GRM7: variants seen among roughly 807,000 people sequenced by gnomAD.
GRM7 encodes the protein glutamate metabotropic receptor 7.
Under a neutral mutation model 84.5 loss-of-function variants are expected in GRM7, and 35 were observed. That is an observed-to-expected ratio of 0.41 (90% CI 0.32 to 0.55). GRM7 has a LOEUF of 0.55. Among genes scored for constraint, GRM7 ranks in the 20% least tolerant of loss-of-function variants. The probability of loss-of-function intolerance (pLI) is 0.19; values close to 1 mark genes in which losing one functional copy is unlikely to be tolerated. For synonymous variants in GRM7, 487 were observed against 455.1 expected, an observed-to-expected ratio of 1.07 and a Z score of -0.89; for missense variants, 1,003 against 1,194.6, an observed-to-expected ratio of 0.84 and a Z score of 2.36.
chr3:7,300,539 C>T (rs928282285), intron 3 of GRM7, among the ~76,000 whole-genome samples: 3 of 152,106 alleles, frequency 2.0e-5, no homozygotes, highest in South Asian at 2.1e-4. Flanking sequence ...AGTTCTTTTT[C>T]GGGAGATCTG....
At chr3:7,215,222 C>A (rs2124858116) in intron 2 of GRM7, among the ~76,000 whole-genome samples, 2 of 152,208 alleles carry the variant, frequency 1.3e-5, no homozygotes, top group Middle Eastern at 3.4e-3. Flanking sequence ...CCGATCATTA[C>A]AAATTGGTTA....
chr3:7,491,706 C>T (rs12494654), intron 7 of GRM7, among the ~76,000 whole-genome samples: 69,559 of 152,004 alleles, frequency 0.46, 16,320 homozygotes, highest in East Asian at 0.7. Context: ...AACAGCTGTA[C>T]GTCCGTAGGC....
chr3:7,565,772 A>C (rs1186805884), intron 7 of GRM7, among the ~76,000 whole-genome samples: 1 of 152,192 alleles, frequency 6.6e-6, no homozygotes, highest in Non-Finnish European at 1.5e-5. Context: ...AAGGGAGGTG[A>C]GGAAACTGGA....
chr3:7,154,632 C>A (rs142128402), intron 2 of GRM7, among the ~76,000 whole-genome samples: 2 of 152,180 alleles, frequency 1.3e-5, no homozygotes, highest in African/African-American at 4.8e-5. Flanking sequence ...TGTAAGGAAA[C>A]ATAGCTCATC....
intron 7 of GRM7, among the ~76,000 whole-genome samples, chr3:7,494,231 G>A (rs1407279944): frequency 6.6e-6 from 1 of 152,000 alleles, no homozygotes; most frequent in Non-Finnish European, 1.5e-5. Context: ...TCCTTGAAGG[G>A]TAGTTGCGCT....
intron 9 of GRM7, among the ~76,000 whole-genome samples, chr3:7,683,851 G>T (rs1409335801): frequency 6.6e-6 from 1 of 152,144 alleles, no homozygotes; most frequent in East Asian, 1.9e-4. Context: ...AATTGACAAG[G>T]ATTTTATTCT....
At chr3:7,408,562 T>C (rs1695781119) in intron 4 of GRM7, among the ~76,000 whole-genome samples, 1 of 152,298 alleles carries the variant, frequency 6.6e-6, no homozygotes, top group South Asian at 2.1e-4. Context: ...GATTTACATG[T>C]CTTTAACTTC....
intron 1 of GRM7, among the ~76,000 whole-genome samples, chr3:7,117,078 C>T (rs539139508): frequency 2.8e-4 from 43 of 152,228 alleles, no homozygotes; most frequent in African/African-American, 4.8e-4. Flanking sequence ...CTTCATCACA[C>T]GCCAAGTAAA....
intron 8 of GRM7, among the ~76,000 whole-genome samples, chr3:7,678,883 G>T (rs559559190): frequency 3.1e-4 from 47 of 152,302 alleles, no homozygotes; most frequent in African/African-American, 1.1e-3. Context: ...GTTATAGGTA[G>T]GAAAAAGGTG....
At chr3:7,651,182 T>C (rs766714937) in intron 8 of GRM7, among the ~76,000 whole-genome samples, 3 of 151,916 alleles carry the variant, frequency 2.0e-5, no homozygotes, top group Admixed American at 1.3e-4. Flanking sequence ...AGCATCAGCA[T>C]CTCAAAGAGA....
chr3:7,104,343 T>G (rs754176233), intron 1 of GRM7, among the ~76,000 whole-genome samples: 24 of 151,744 alleles, frequency 1.6e-4, no homozygotes, highest in Non-Finnish European at 2.9e-4. Flanking sequence ...CACCAGGATC[T>G]CAGTCTTTCA....
At chr3:7,731,084 G>GTTT (rs201314100) in intron 9 of GRM7, among the ~76,000 whole-genome samples, 14 of 144,744 alleles carry the variant, frequency 9.7e-5, no homozygotes, top group African/African-American at 3.5e-4. Flanking sequence ...TTTTTCTTTT[G>GTTT]TTTTTTTTTT....
chr3:6,994,797 T>C (rs1231111573), intron 1 of GRM7, among the ~76,000 whole-genome samples: 1 of 152,194 alleles, frequency 6.6e-6, no homozygotes, highest in Non-Finnish European at 1.5e-5. Flanking sequence ...TTAAAAATAA[T>C]TGTTGTTGTT....
intron 8 of GRM7, among the ~76,000 whole-genome samples, chr3:7,624,049 C>T (rs1347808925): frequency 6.6e-6 from 1 of 152,096 alleles, no homozygotes; most frequent in Non-Finnish European, 1.5e-5. Flanking sequence ...TTAGAATTGG[C>T]ACAAGTCACT....
At chr3:7,099,367 C>CATATATACATATATA (rs1172782805) in intron 1 of GRM7, among the ~76,000 whole-genome samples, 1 of 145,318 alleles carries the variant, frequency 6.9e-6, no homozygotes, top group East Asian at 2.0e-4. Context: ...CACATGTATA[C>CATATATACATATATA]ATATATACAT....
intron 8 of GRM7, among the ~76,000 whole-genome samples, chr3:7,637,912 G>A (rs908964784): frequency 6.6e-6 from 1 of 152,200 alleles, no homozygotes; most frequent in Non-Finnish European, 1.5e-5. Flanking sequence ...TGACAATTCT[G>A]ACATCGATCT....
intron 1 of GRM7, among the ~76,000 whole-genome samples, chr3:6,965,819 G>A (rs1006946650): frequency 5.9e-5 from 9 of 152,124 alleles, no homozygotes; most frequent in African/African-American, 1.2e-4. Flanking sequence ...GGTTCTGCTC[G>A]CATCCATCTG....
intron 9 of GRM7, among the ~76,000 whole-genome samples, chr3:7,684,759 G>C (rs1379698592): frequency 6.6e-6 from 1 of 152,002 alleles, no homozygotes; most frequent in Non-Finnish European, 1.5e-5. Flanking sequence ...CGCACTGCTG[G>C]CATATTAGAT....
chr3:6,934,555 G>T (rs1697621536), intron 1 of GRM7, among the ~76,000 whole-genome samples: 1 of 152,148 alleles, frequency 6.6e-6, no homozygotes, highest in Non-Finnish European at 1.5e-5. Context: ...ATGAGTATTT[G>T]TATGTATCTA....
Sources: allele counts gnomAD v4.1 joint callset (sites outside exome capture counted in the v4.1 genomes callset), GRCh38; gene constraint gnomAD v4.1.1; transcripts MANE v1.5; gene names NCBI Gene and HGNC (gene_info 2026-07-23, HGNC 2026-07-21).